EXT1: variants seen among roughly 807,000 people sequenced by gnomAD.
EXT1 encodes the protein exostosin glycosyltransferase 1, also known as exostosin-1.
EXT1 carries 20 observed loss-of-function variants against 82.5 expected under a neutral mutation model. The ratio of observed to expected loss-of-function variants is 0.24; its 90% CI spans 0.17 to 0.35. EXT1 has a LOEUF of 0.35. EXT1 is among the 10% of genes least tolerant of loss of function. The pLI is 1.00. For missense variants in EXT1, 757 were observed against 936.5 expected (o/e 0.81, Z 2.50); for synonymous variants, 348 against 350.8 (o/e 0.99, Z 0.09).
intron 1 of EXT1, among the ~76,000 whole-genome samples, chr8:117,982,035 C>G (rs1388911229): frequency 6.6e-6 from 1 of 152,172 alleles, no homozygotes; most frequent in East Asian, 1.9e-4. Context: ...TTTTCTATTG[C>G]TGCTGTAATA....
intron 1 of EXT1, among the ~76,000 whole-genome samples, chr8:117,925,377 C>A (rs1813934054): frequency 6.6e-6 from 1 of 150,826 alleles, no homozygotes; most frequent in East Asian, 1.9e-4. Flanking sequence ...AAAAACAAAC[C>A]TTTACGGTTA....
chr8:117,945,559 T>G (rs1814370926), intron 1 of EXT1, among the ~76,000 whole-genome samples: 1 of 152,124 alleles, frequency 6.6e-6, no homozygotes, highest in African/African-American at 2.4e-5. Flanking sequence ...TGGAGGGCAG[T>G]GGTGTGATCT....
At chr8:117,989,941 A>G (rs1355707125) in intron 1 of EXT1, among the ~76,000 whole-genome samples, 1 of 152,204 alleles carries the variant, frequency 6.6e-6, no homozygotes, top group Non-Finnish European at 1.5e-5. Flanking sequence ...CACGCCTATA[A>G]TTCCAGCACT....
At position 118,110,739 on chromosome 8, in the gene EXT1, C is replaced by G. The variant is rs2130044309; in HGVS notation, c.308G>C (p.Cys103Ser). 6.2e-7 allele frequency: 1 copy of G among 1,614,192 alleles called. No homozygotes were observed. The highest frequency in any genetic ancestry group is 2.2e-5 in the East Asian group (1 of 44,882). The change falls in exon 1 of 11, where the codon TGC (cysteine) becomes TCC (serine). Residue 103 changes from cysteine (C) to serine (S), a missense_variant. This residue lies in a region of EXT1 where 175 missense variants were observed against 159.0 expected (regional missense o/e 1.10). Coordinates refer to ENST00000378204, the MANE Select transcript of EXT1 (RefSeq NM_000127.3). ...YKGKKCRMES[C>S]FDFTLCKKNG... is the part of the protein sequence containing the mutation. ...TTTCTTGCAAAGGGTGAAATCGAAG[C>G]AGGACTCCATGCGGCACTTCTTGCC...
chr8:117,976,596 G>A (rs1181482589), intron 1 of EXT1, among the ~76,000 whole-genome samples: 3 of 152,230 alleles, frequency 2.0e-5, no homozygotes, highest in Non-Finnish European at 4.4e-5. Context: ...GAGAATGCAT[G>A]AGGGGTATTA....
chr8:117,833,289 G>A (rs1812131530), intron 3 of EXT1, among the ~76,000 whole-genome samples: 1 of 152,156 alleles, frequency 6.6e-6, no homozygotes, highest in Non-Finnish European at 1.5e-5. Context: ...GCTTCAGAAG[G>A]TGAAATGCCC....
At chr8:117,909,848 ACCTCCG>A (rs1813612150) in intron 1 of EXT1, among the ~76,000 whole-genome samples, 1 of 152,008 alleles carries the variant, frequency 6.6e-6, no homozygotes, top group Non-Finnish European at 1.5e-5. Context: ...GCTCACTGCA[ACCTCCG>A]CCTCCCAGGT....
At chr8:117,809,685 G>A (rs1374225072) in intron 8 of EXT1, among the ~76,000 whole-genome samples, 7 of 151,508 alleles carry the variant, frequency 4.6e-5, no homozygotes, top group African/African-American at 1.2e-4. Context: ...TGGTGGAACC[G>A]ACATTAAGAA....
chr8:118,054,959 T>G (rs1473303662), intron 1 of EXT1, among the ~76,000 whole-genome samples: 2 of 150,926 alleles, frequency 1.3e-5, no homozygotes, highest in African/African-American at 4.9e-5. Context: ...TGTATATGTA[T>G]ATATATATAT....
At chr8:118,040,493 A>G (rs1440950921) in intron 1 of EXT1, among the ~76,000 whole-genome samples, 3 of 152,088 alleles carry the variant, frequency 2.0e-5, no homozygotes, top group Non-Finnish European at 2.9e-5. Flanking sequence ...GTCATCTTCA[A>G]CTCTGTCAGT....
chr8:117,872,085 A>G (rs1042912172), intron 1 of EXT1, among the ~76,000 whole-genome samples: 3 of 147,532 alleles, frequency 2.0e-5, no homozygotes, highest in African/African-American at 7.4e-5. Context: ...GGCTGCAGTG[A>G]GCTATATCAC....
intron 1 of EXT1, among the ~76,000 whole-genome samples, chr8:118,049,285 C>G (rs1816679969): frequency 6.6e-6 from 1 of 152,204 alleles, no homozygotes; most frequent in Non-Finnish European, 1.5e-5. Context: ...ATAGCATCAG[C>G]ATAATCTCCA....
intron 1 of EXT1, among the ~76,000 whole-genome samples, chr8:117,956,590 G>A (rs555859936): frequency 5.9e-5 from 9 of 152,004 alleles, no homozygotes; most frequent in African/African-American, 1.9e-4. Flanking sequence ...CTACAGGCAC[G>A]CATCACCATA....
At chr8:118,029,385 C>T (rs1260585750) in intron 1 of EXT1, among the ~76,000 whole-genome samples, 3 of 151,792 alleles carry the variant, frequency 2.0e-5, no homozygotes, top group Non-Finnish European at 4.4e-5. Context: ...ACCATGCTAC[C>T]GCACTCCAGC....
intron 1 of EXT1, among the ~76,000 whole-genome samples, chr8:118,008,256 C>CTTTT (rs527887350): frequency 0.03 from 4,562 of 151,098 alleles, 212 homozygotes; most frequent in African/African-American, 0.11. Context: ...GCATATTATA[C>CTTTT]TTTTTTTTGT....
At chr8:117,963,024 G>A (rs185453961) in intron 1 of EXT1, among the ~76,000 whole-genome samples, 2 of 152,300 alleles carry the variant, frequency 1.3e-5, no homozygotes, top group African/African-American at 4.8e-5. Flanking sequence ...CAAATCTGGA[G>A]AGTCTTTCCT....
chr8:118,033,435 A>G (rs1816368085), intron 1 of EXT1, among the ~76,000 whole-genome samples: 1 of 152,226 alleles, frequency 6.6e-6, no homozygotes, highest in Non-Finnish European at 1.5e-5. Context: ...TCAGACTTCT[A>G]GGACTCTAAG....
At chr8:118,021,232 G>A (rs1816098305) in intron 1 of EXT1, among the ~76,000 whole-genome samples, 1 of 152,184 alleles carries the variant, frequency 6.6e-6, no homozygotes, top group Admixed American at 6.5e-5. Context: ...CTTTTCATAT[G>A]GCAGACAGTT....
intron 1 of EXT1, among the ~76,000 whole-genome samples, chr8:118,035,296 C>A (rs1020597051): frequency 6.6e-6 from 1 of 152,020 alleles, no homozygotes; most frequent in Non-Finnish European, 1.5e-5. Flanking sequence ...AGTCGGTGTG[C>A]GGTAGGCCTG....
Sources: gnomAD v4.1 joint callset for allele counts (sites outside exome capture counted in the v4.1 genomes callset) on GRCh38, gnomAD v4.1.1 for gene constraint, gnomAD v4.1.1 regional missense constraint, MANE v1.5 for transcripts, NCBI Gene and HGNC (gene_info 2026-07-23, HGNC 2026-07-21) for gene names.